Variants in DOCK2 observed in about 807,000 individuals in gnomAD.
DOCK2 encodes the protein dedicator of cytokinesis 2.
DOCK2 carries 87 observed loss-of-function variants against 248.9 expected under a neutral mutation model. The observed-to-expected ratio is 0.35, with a 90% CI of 0.29 to 0.42. The LOEUF (loss-of-function observed/expected upper bound fraction) is 0.42, where lower values mean the gene tolerates loss of function less well. Among genes scored for constraint, DOCK2 ranks in the 10% least tolerant of loss-of-function variants. The probability of loss-of-function intolerance (pLI) is 1.00; values close to 1 mark genes in which losing one functional copy is unlikely to be tolerated. For missense variants in DOCK2, 1,747 were observed against 2,300.2 expected, an observed-to-expected ratio of 0.76 and a Z score of 4.92; for synonymous variants, 805 against 821.6, an observed-to-expected ratio of 0.98 and a Z score of 0.35.
intron 27 of DOCK2, among the ~76,000 whole-genome samples, chr5:169,977,912 G>T (rs1295395694): frequency 1.3e-5 from 2 of 152,076 alleles, no homozygotes; most frequent in Non-Finnish European, 2.9e-5. Flanking sequence ...TTTCATCCAA[G>T]AATAAAATCT....
chr5:169,879,764 A>G (rs940290190), intron 27 of DOCK2, among the ~76,000 whole-genome samples: 1 of 152,212 alleles, frequency 6.6e-6, no homozygotes, highest in Non-Finnish European at 1.5e-5. Flanking sequence ...GGGCCATTTA[A>G]TTAAAGACCC....
chr5:169,948,957 G>T (rs1390100940), intron 27 of DOCK2, among the ~76,000 whole-genome samples: 1 of 152,048 alleles, frequency 6.6e-6, no homozygotes, highest in Non-Finnish European at 1.5e-5. Context: ...CAAATTACAA[G>T]AATATCCTAT....
chr5:169,697,551 G>T (rs1030655897), intron 10 of DOCK2, among the ~76,000 whole-genome samples: 1 of 152,156 alleles, frequency 6.6e-6, no homozygotes, highest in Non-Finnish European at 1.5e-5. Context: ...AAGGGAAATT[G>T]CCCTGCCCTA....
At chr5:170,047,407 A>G (rs930434702) in intron 39 of DOCK2, 103 bp from the exon 40 acceptor site, 5 of 926,844 alleles carry the variant, frequency 5.4e-6, no homozygotes, top group Non-Finnish European at 8.4e-6. Context: ...CACATGGCTC[A>G]TTGGCTCTGG....
chr5:169,853,804 CTTTTTTTTTTTTTTTTTTTTTT>C (rs67124138), intron 27 of DOCK2, among the ~76,000 whole-genome samples: 92 of 56,848 alleles, frequency 1.6e-3, no homozygotes, highest in East Asian at 5.5e-3. Flanking sequence ...GGAAAAACAA[CTTTTTTTTTTTTTTTTTTTTTT>C]TTTTTTTTTT....
intron 30 of DOCK2, among the ~76,000 whole-genome samples, chr5:170,002,550 C>T (rs1351339323): frequency 2.0e-5 from 3 of 152,076 alleles, no homozygotes; most frequent in African/African-American, 4.8e-5. Context: ...TAACTTTCTC[C>T]CATTTAATCT....
intron 2 of DOCK2, among the ~76,000 whole-genome samples, chr5:169,658,742 C>CA (rs199592834): frequency 1.1e-4 from 17 of 148,462 alleles, no homozygotes; most frequent in Admixed American, 2.0e-4. Flanking sequence ...TTTAAACAAA[C>CA]AAAAAAAAAT....
chr5:170,021,316 CG>C (rs1755717936), intron 33 of DOCK2, among the ~76,000 whole-genome samples: 1 of 152,174 alleles, frequency 6.6e-6, no homozygotes, highest in African/African-American at 2.4e-5. Flanking sequence ...AAAGGGCACA[CG>C]CCATGAGACG....
intron 27 of DOCK2, among the ~76,000 whole-genome samples, chr5:169,846,271 A>T (rs560211575): frequency 6.6e-6 from 1 of 152,268 alleles, no homozygotes; most frequent in African/African-American, 2.4e-5. Flanking sequence ...AGGGATAGGA[A>T]CATTGCAGTA....
intron 27 of DOCK2, among the ~76,000 whole-genome samples, chr5:169,981,596 A>G (rs1423116440): frequency 6.6e-6 from 1 of 152,172 alleles, no homozygotes; most frequent in Non-Finnish European, 1.5e-5. Flanking sequence ...CACACTATAA[A>G]CAAACTTCAC....
chr5:169,913,852 G>A (rs1258757402), intron 27 of DOCK2, among the ~76,000 whole-genome samples: 1 of 152,084 alleles, frequency 6.6e-6, no homozygotes, highest in African/African-American at 2.4e-5. Flanking sequence ...AGAACTTTTT[G>A]TATACTGAGC....
chr5:170,021,005 A>G (rs775220612), intron 33 of DOCK2, among the ~76,000 whole-genome samples: 4 of 152,246 alleles, frequency 2.6e-5, no homozygotes, highest in Non-Finnish European at 2.9e-5. Context: ...TTTCCATCCT[A>G]TTAATCTCAC....
intron 26 of DOCK2, among the ~76,000 whole-genome samples, chr5:169,806,613 T>C (rs1428588518): frequency 2.6e-5 from 4 of 152,248 alleles, no homozygotes; most frequent in South Asian, 2.1e-4. Context: ...TTTCCTCTGA[T>C]TGATCCCCAC....
chr5:170,077,891 C>A (rs1439451729), intron 48 of DOCK2, 54 bp downstream of exon 48: 4 of 1,402,162 alleles, frequency 2.9e-6, no homozygotes, highest in South Asian at 2.4e-5. Flanking sequence ...CTGGCTCTAT[C>A]CCCCCTCCTT....
At chr5:169,738,725 G>C (rs56661193) in intron 22 of DOCK2, among the ~76,000 whole-genome samples, 7 of 152,280 alleles carry the variant, frequency 4.6e-5, no homozygotes, top group African/African-American at 1.4e-4. Flanking sequence ...TTTGACAATA[G>C]AAGCCAGATA....
intron 34 of DOCK2, chr5:170,028,588 A>C (rs1032494547): frequency 1.3e-5 from 2 of 154,286 alleles, no homozygotes; most frequent in African/African-American, 4.8e-5. Context: ...CTTTATCGAG[A>C]TGTAATTTAC....
At chr5:169,947,845 C>A (rs259916) in intron 27 of DOCK2, among the ~76,000 whole-genome samples, 114,766 of 151,908 alleles carry the variant, frequency 0.76, 44,407 homozygotes, top group African/African-American at 0.94. Flanking sequence ...GCATAAATAC[C>A]TACAGCATAC....
In DOCK2 at chr5:170,018,875, T is replaced by G. The variant is rs1050112423; in HGVS notation, c.3233-85T>G. 2.7e-6 allele frequency: 4 copies of G among 1,507,932 alleles called. No homozygotes were observed. In the African/African-American group the frequency reaches 4.2e-5, roughly 16 times the overall value. The allele number at this position is 1,507,932 out of a possible 1,614,324, so 93.4% of individuals were successfully genotyped here. ...TATTGTTTTTACTATTATGCTTCCC[T>G]TTTTTTCTTTCCCCAGGCTTGGTCG... On this transcript the variant is annotated intron_variant, in intron 32 of 51. Transcript: ENST00000520908.
chr5:169,835,364 C>T (rs894563973), intron 26 of DOCK2, among the ~76,000 whole-genome samples: 1 of 149,950 alleles, frequency 6.7e-6, no homozygotes, highest in African/African-American at 2.5e-5. Flanking sequence ...TACCTATTCT[C>T]CTGCCTCAGC....
Sources: gnomAD v4.1 joint callset for allele counts (sites outside exome capture counted in the v4.1 genomes callset) on GRCh38, gnomAD v4.1.1 for gene constraint, MANE v1.5 for transcripts, NCBI Gene and HGNC (gene_info 2026-07-23, HGNC 2026-07-21) for gene names.